The following ADAMTSL1 variants were observed in gnomAD, a reference collection of about 807,000 sequenced individuals.
ADAMTSL1 encodes the protein ADAMTS like 1.
ADAMTSL1 carries 126 observed loss-of-function variants against 201.8 expected under a neutral mutation model. That is an observed-to-expected ratio of 0.62 (90% CI 0.54 to 0.72). The LOEUF is 0.72. Ranked by LOEUF, ADAMTSL1 falls within the 30% of genes least tolerant of loss-of-function variation. ADAMTSL1 has a pLI of 0.00. For missense variants in ADAMTSL1, 2,679 were observed against 2,277.8 expected, an observed-to-expected ratio of 1.18 and a Z score of -3.59; for synonymous variants, 1,121 against 903.4, an observed-to-expected ratio of 1.24 and a Z score of -4.32.
At chr9:18,256,301 A>C (rs1831683485) in intron 2 of ADAMTSL1, among the ~76,000 whole-genome samples, 1 of 152,214 alleles carries the variant, frequency 6.6e-6, no homozygotes. Context: ...AGTTTGACAA[A>C]GATGGAAGAC....
chr9:18,005,868 T>TA (rs1819796301), intron 1 of ADAMTSL1, among the ~76,000 whole-genome samples: 1 of 152,038 alleles, frequency 6.6e-6, no homozygotes, highest in South Asian at 2.1e-4. Flanking sequence ...CATTGCTTCC[T>TA]GGTCTGTGAT....
chr9:18,684,665 C>T, intron 12 of ADAMTSL1, 51 bp from the exon 13 acceptor site: 1 of 1,557,158 alleles, frequency 6.4e-7, no homozygotes, highest in Non-Finnish European at 8.7e-7. Flanking sequence ...TCCTAAAATC[C>T]CAGATTGGTT....
At chr9:18,077,375 A>AGAGGAG (rs1206615412) in intron 1 of ADAMTSL1, among the ~76,000 whole-genome samples, 1 of 152,188 alleles carries the variant, frequency 6.6e-6, no homozygotes, top group Non-Finnish European at 1.5e-5. Context: ...TTCATGGAGA[A>AGAGGAG]GAGGAGGAGG....
intron 1 of ADAMTSL1, among the ~76,000 whole-genome samples, chr9:18,046,897 C>A (rs1256603382): frequency 2.0e-5 from 3 of 151,594 alleles, no homozygotes; most frequent in African/African-American, 7.3e-5. Context: ...CTCTGAAGTC[C>A]AAGATAAAGA....
At chr9:18,085,070 G>A (rs1281788582) in intron 1 of ADAMTSL1, among the ~76,000 whole-genome samples, 2 of 152,160 alleles carry the variant, frequency 1.3e-5, no homozygotes, top group African/African-American at 2.4e-5. Context: ...TGAGCTGGGA[G>A]CATGCTAGTG....
At chr9:18,208,183 T>C (rs1339735402) in intron 2 of ADAMTSL1, among the ~76,000 whole-genome samples, 1 of 152,142 alleles carries the variant, frequency 6.6e-6, no homozygotes, top group Non-Finnish European at 1.5e-5. Context: ...CTGCTATTAT[T>C]TACAATAAAT....
chr9:18,709,523 A>G (rs919214269), intron 14 of ADAMTSL1, among the ~76,000 whole-genome samples: 1 of 152,234 alleles, frequency 6.6e-6, no homozygotes, highest in Non-Finnish European at 1.5e-5. Context: ...GGTAGCAACC[A>G]GAAGGAACTA....
rs115395186 is a variant in ADAMTSL1 at position 18,908,420 on chromosome 9, C to T, written c.5183-22C>T. On this transcript the variant is annotated intron_variant, in intron 28 of 28. Coordinates refer to ENST00000380548, the MANE Select transcript of ADAMTSL1 (RefSeq NM_001040272.6). Reference sequence around the variant, plus strand: ...CACATCTCTTTTCTGTCTCCTCTCCCGACCCCGTCCTCCTTTCCCAGTGGA... The same window carrying T: ...CACATCTCTTTTCTGTCTCCTCTCCTGACCCCGTCCTCCTTTCCCAGTGGA... 6.9e-4 allele frequency: 1,062 copies of T among 1,542,570 alleles called. 4 individuals are homozygous for T. In the African/African-American group the frequency reaches 9.3e-3, roughly 14 times the overall value.
chr9:18,624,418 T>TA (rs1826231370), intron 5 of ADAMTSL1, among the ~76,000 whole-genome samples: 1 of 152,228 alleles, frequency 6.6e-6, no homozygotes. Flanking sequence ...AGATCACTCT[T>TA]AAGAACTCTT....
Position 18,777,122 on chromosome 9 carries a change from C to CGCAA in ADAMTSL1, c.2896_2899dup (p.Leu967GlnfsTer12), listed in dbSNP as rs1563791199. On this transcript the variant is annotated frameshift_variant, in exon 19 of 29. Transcript: ENST00000380548. LOFTEE classifies it high-confidence loss of function. ...TGTGATTAAGCTCATCGGAGGCAAC[C>CGCAA]GCAAGCTCGTGGCCCGGCCCTTGAG... 4 of 1,612,958 alleles carry CGCAA rather than the reference C, an allele frequency of 2.5e-6. No individual in the cohort carries two copies. The highest frequency in any genetic ancestry group is 3.4e-6 in the Non-Finnish European group (4 of 1,179,840).
intron 1 of ADAMTSL1, among the ~76,000 whole-genome samples, chr9:18,146,420 A>G (rs945426383): frequency 2.6e-5 from 4 of 152,194 alleles, no homozygotes; most frequent in Non-Finnish European, 5.9e-5. Context: ...ATGCAAAGGT[A>G]TTGATGAATC....
chr9:18,456,837 G>A (rs1375402653), intron 2 of ADAMTSL1, among the ~76,000 whole-genome samples: 1 of 152,036 alleles, frequency 6.6e-6, no homozygotes, highest in Non-Finnish European at 1.5e-5. Flanking sequence ...AGCTACTCCT[G>A]TTTGCTTTTG....
intron 1 of ADAMTSL1, among the ~76,000 whole-genome samples, chr9:18,085,114 G>C (rs1823684345): frequency 6.6e-6 from 1 of 152,124 alleles, no homozygotes; most frequent in African/African-American, 2.4e-5. Flanking sequence ...GATGAGACTG[G>C]AGTGGACTGA....
At chr9:18,591,362 G>T (rs1367567660) in intron 4 of ADAMTSL1, among the ~76,000 whole-genome samples, 1 of 152,058 alleles carries the variant, frequency 6.6e-6, no homozygotes, top group African/African-American at 2.4e-5. Flanking sequence ...GTTTCTATTT[G>T]CATGGAGTAT....
At chr9:18,069,004 C>G (rs1044918818) in intron 1 of ADAMTSL1, among the ~76,000 whole-genome samples, 1 of 152,084 alleles carries the variant, frequency 6.6e-6, no homozygotes, top group African/African-American at 2.4e-5. Flanking sequence ...GATTTAAAAA[C>G]AAAACAACAG....
At chr9:18,210,095 T>G (rs1829805737) in intron 2 of ADAMTSL1, among the ~76,000 whole-genome samples, 1 of 152,100 alleles carries the variant, frequency 6.6e-6, no homozygotes, top group South Asian at 2.1e-4. Context: ...TTCCTTTTCT[T>G]TCCTTCACCA....
intron 15 of ADAMTSL1, among the ~76,000 whole-genome samples, chr9:18,748,721 T>C (rs956256218): frequency 3.9e-5 from 6 of 152,224 alleles, no homozygotes; most frequent in African/African-American, 1.4e-4. Context: ...TGCATACTAC[T>C]GAACATCTGC....
rs149787107 is a variant in ADAMTSL1, at chr9:18,522,402, C to T, written c.192-10845C>T. The stretch of plus-strand genomic sequence containing the variant: ...TCAGTTGTTCTCACAATTTATTATT[C>T]CTCTTGAGTTTTTTGTAGAGTCTCA... On this transcript the variant is annotated intron_variant, in intron 2 of 28. Coordinates refer to ENST00000380548, the MANE Select transcript of ADAMTSL1 (RefSeq NM_001040272.6). Among the ~76,000 whole-genome samples the T allele has an allele frequency of 3.4e-3, 522 of 152,126 alleles. 1 individual carries two copies. Among genetic ancestry groups the T allele is most frequent in the African/African-American group, 0.012 (487 of 41,488 alleles).
chr9:18,433,410 C>T (rs963128025), intron 2 of ADAMTSL1, among the ~76,000 whole-genome samples: 5 of 152,016 alleles, frequency 3.3e-5, no homozygotes, highest in African/African-American at 1.2e-4. Flanking sequence ...TATTTATGAA[C>T]TATAATATAA....
Sources: gnomAD v4.1 joint callset for allele counts (sites outside exome capture counted in the v4.1 genomes callset) on GRCh38, gnomAD v4.1.1 for gene constraint, MANE v1.5 for transcripts, NCBI Gene and HGNC (gene_info 2026-07-23, HGNC 2026-07-21) for gene names.